The following SNX24 variants were observed in gnomAD, a reference collection of about 807,000 sequenced individuals.
SNX24 encodes the protein sorting nexin-24.
In SNX24, 22 loss-of-function variants were observed where a neutral mutation model predicts 28.7. That is an observed-to-expected ratio of 0.77 (90% CI 0.55 to 1.10). SNX24 has a LOEUF of 1.10. Ranked by LOEUF, SNX24 falls within the 50% of genes least tolerant of loss-of-function variation. The pLI is 0.00. For synonymous variants in SNX24, 69 were observed against 71.5 expected, an observed-to-expected ratio of 0.96 and a Z score of 0.18; for missense variants, 221 against 201.1, an observed-to-expected ratio of 1.10 and a Z score of -0.60.
rs544485209 is a variant in SNX24 at position 123,005,263 on chromosome 5, A to C, written c.443-2419A>C. The stretch of plus-strand genomic sequence containing the variant: ...GTCCTCTAAATCCCCAGCATCTAGC[A>C]TATGTTCAGCTCTTGGTGGACATAC... On this transcript the variant is annotated intron_variant, in intron 6 of 6. Transcript: ENST00000261369. 5.3e-5 allele frequency among the ~76,000 whole-genome samples: 8 copies of C among 152,128 alleles called. No homozygotes were observed. In the South Asian group the frequency reaches 1.5e-3, roughly 28 times the overall value.
intron 2 of SNX24, among the ~76,000 whole-genome samples, chr5:122,944,447 AAAG>A (rs796485843): frequency 2.2e-4 from 34 of 152,312 alleles, no homozygotes; most frequent in South Asian, 1.9e-3. Flanking sequence ...TCCCCCAAAA[AAAG>A]AAGGAGGAAA....
At chr5:122,890,467 G>A (rs1026020915) in intron 1 of SNX24, among the ~76,000 whole-genome samples, 1 of 113,926 alleles carries the variant, frequency 8.8e-6, no homozygotes, top group South Asian at 3.3e-4. Context: ...TCCATTTAGA[G>A]GGGATTTTTT....
At chr5:122,849,029 C>T (rs1426374511) in intron 1 of SNX24, among the ~76,000 whole-genome samples, 1 of 152,144 alleles carries the variant, frequency 6.6e-6, no homozygotes, top group Non-Finnish European at 1.5e-5. Context: ...GTAGGATGTG[C>T]CGTAATTTTT....
At chr5:122,848,040 G>C (rs191406179) in intron 1 of SNX24, among the ~76,000 whole-genome samples, 2 of 152,168 alleles carry the variant, frequency 1.3e-5, no homozygotes, top group Admixed American at 1.3e-4. Flanking sequence ...TAAATAAGAA[G>C]CTTGTAAAAT....
intron 1 of SNX24, among the ~76,000 whole-genome samples, chr5:122,916,761 A>G (rs565850583): frequency 1.3e-5 from 2 of 152,150 alleles, no homozygotes. Flanking sequence ...TTGAATGATA[A>G]TCTTTCTTTA....
At chr5:122,941,087 T>A (rs772817565) in intron 2 of SNX24, among the ~76,000 whole-genome samples, 16 of 152,222 alleles carry the variant, frequency 1.1e-4, no homozygotes, top group Non-Finnish European at 2.2e-4. Context: ...TTCATGCAGA[T>A]AAGTACCAGA....
chr5:122,878,692 C>T (rs1377756354), intron 1 of SNX24, among the ~76,000 whole-genome samples: 1 of 152,090 alleles, frequency 6.6e-6, no homozygotes, highest in Non-Finnish European at 1.5e-5. Context: ...ATAATGCTCA[C>T]CGTTTGTGGT....
chr5:122,993,935 G>A (rs1255862686), intron 3 of SNX24, among the ~76,000 whole-genome samples: 1 of 152,172 alleles, frequency 6.6e-6, no homozygotes, highest in African/African-American at 2.4e-5. Context: ...TGGAGAAAGA[G>A]CTTAAAGTGC....
chr5:122,873,111 C>T (rs1413272056), intron 1 of SNX24, among the ~76,000 whole-genome samples: 1 of 152,166 alleles, frequency 6.6e-6, no homozygotes, highest in East Asian at 1.9e-4. Flanking sequence ...GGACTAAAGG[C>T]ACCACACCAC....
chr5:122,848,066 G>A (rs529347357), intron 1 of SNX24, among the ~76,000 whole-genome samples: 1 of 152,166 alleles, frequency 6.6e-6, no homozygotes, highest in African/African-American at 2.4e-5. Context: ...ACACTTTCGT[G>A]TAAAAAATAT....
At chr5:122,974,760 TCTGTAATCC>T (rs1481931009) in intron 3 of SNX24, among the ~76,000 whole-genome samples, 1 of 152,228 alleles carries the variant, frequency 6.6e-6, no homozygotes, top group Non-Finnish European at 1.5e-5. Flanking sequence ...GGCACTAATC[TCTGTAATCC>T]CTCCAGGGAT....
At chr5:122,966,726 A>G (rs1240873641) in intron 3 of SNX24, among the ~76,000 whole-genome samples, 4 of 152,224 alleles carry the variant, frequency 2.6e-5, no homozygotes, top group African/African-American at 7.2e-5. Context: ...GCTGAGCACT[A>G]GTCTCCTTTC....
chr5:122,965,850 A>G (rs985915932), intron 3 of SNX24, among the ~76,000 whole-genome samples: 3 of 152,240 alleles, frequency 2.0e-5, no homozygotes, highest in Admixed American at 1.3e-4. Context: ...GTTTCAAGCA[A>G]GCGCTATTAA....
chr5:122,991,944 ATAAAT>A (rs1053958150), intron 3 of SNX24, among the ~76,000 whole-genome samples: 10 of 152,358 alleles, frequency 6.6e-5, no homozygotes, highest in African/African-American at 2.4e-4. Flanking sequence ...TATCTGTGGA[ATAAAT>A]TAAGTTTATA....
intron 1 of SNX24, among the ~76,000 whole-genome samples, chr5:122,928,507 T>TA (rs1191043202): frequency 6.6e-6 from 1 of 151,856 alleles, no homozygotes; most frequent in Non-Finnish European, 1.5e-5. Context: ...GTTAGAGAAA[T>TA]ATGACAAGGG....
At chr5:122,910,737 C>A (rs1366028573) in intron 1 of SNX24, among the ~76,000 whole-genome samples, 1 of 149,950 alleles carries the variant, frequency 6.7e-6, no homozygotes, top group Non-Finnish European at 1.5e-5. Context: ...TTTGTCCTTG[C>A]GATAGTTTAC....
At chr5:122,868,091 A>G (rs1315557852) in intron 1 of SNX24, among the ~76,000 whole-genome samples, 1 of 152,234 alleles carries the variant, frequency 6.6e-6, no homozygotes, top group Non-Finnish European at 1.5e-5. Context: ...ATGTAGAACC[A>G]TCGTAAACCT....
chr5:122,968,278 C>T (rs1229528498), intron 3 of SNX24, among the ~76,000 whole-genome samples: 4 of 152,106 alleles, frequency 2.6e-5, no homozygotes, highest in Non-Finnish European at 4.4e-5. Flanking sequence ...ACCTGGGAGG[C>T]GGAGATTGCA....
At chr5:122,851,311 C>T (rs977630490) in intron 1 of SNX24, among the ~76,000 whole-genome samples, 5 of 151,910 alleles carry the variant, frequency 3.3e-5, no homozygotes, top group Non-Finnish European at 5.9e-5. Context: ...CCTATAGGCA[C>T]GAGCCACCAT....
Sources: gnomAD v4.1 joint callset for allele counts (sites outside exome capture counted in the v4.1 genomes callset) on GRCh38, gnomAD v4.1.1 for gene constraint, MANE v1.5 for transcripts, NCBI Gene and HGNC (gene_info 2026-07-23, HGNC 2026-07-21) for gene names.